The following WDR59 variants were observed in gnomAD, a reference collection of about 807,000 sequenced individuals.
The protein encoded by WDR59 is WD repeat domain 59.
WDR59 carries 100 observed loss-of-function variants against 131.2 expected under a neutral mutation model. The observed-to-expected ratio is 0.76, with a 90% CI of 0.65 to 0.90. WDR59 has a LOEUF of 0.90. WDR59 is among the 40% of genes least tolerant of loss of function. The pLI is 0.00. For synonymous variants in WDR59, 601 were observed against 466.2 expected, an observed-to-expected ratio of 1.29 and a Z score of -3.72; for missense variants, 1,203 against 1,262.2, an observed-to-expected ratio of 0.95 and a Z score of 0.71.
intron 1 of WDR59, among the ~76,000 whole-genome samples, chr16:74,968,943 A>G (rs1348797913): frequency 6.6e-6 from 1 of 152,212 alleles, no homozygotes; most frequent in African/African-American, 2.4e-5. Context: ...GAAAGGGAAC[A>G]CTGAGCAGAG....
chr16:74,921,931 G>C lies in WDR59; in HGVS notation c.886+16C>G, dbSNP rs758929576. ...GAGCTCAGAAGGAAAGTGGGCAGCA[G>C]GCCTCTCCCACTCACCTTCCTTCTG... On this transcript the variant is annotated intron_variant, in intron 10 of 25. Transcript: ENST00000262144. 5 of 1,611,914 alleles carry C rather than the reference G, an allele frequency of 3.1e-6. No individual in the cohort carries two copies. The East Asian group carries it at 1.1e-4, about 36-fold the overall frequency.
At chr16:74,944,292 G>A (rs1329345292) in intron 6 of WDR59, among the ~76,000 whole-genome samples, 1 of 151,760 alleles carries the variant, frequency 6.6e-6, no homozygotes, top group African/African-American at 2.4e-5. Context: ...ATGGCAAAAC[G>A]CTGTTTCTAC....
chr16:74,975,600 G>A (rs1009307465), intron 1 of WDR59, among the ~76,000 whole-genome samples: 3 of 148,842 alleles, frequency 2.0e-5, no homozygotes, highest in Non-Finnish European at 4.4e-5. Context: ...GGAGGTGGAG[G>A]ATGCACTGAG....
intron 3 of WDR59, among the ~76,000 whole-genome samples, chr16:74,955,454 C>T (rs780539891): frequency 2.6e-5 from 4 of 152,014 alleles, no homozygotes; most frequent in Non-Finnish European, 4.4e-5. Context: ...ATAAGGGTCC[C>T]GAGGTATAAA....
intron 2 of WDR59, among the ~76,000 whole-genome samples, chr16:74,958,362 G>A (rs2033393630): frequency 6.6e-6 from 1 of 151,724 alleles, no homozygotes. Context: ...GGCCAAGGTG[G>A]GTGGATAGCC....
intron 3 of WDR59, among the ~76,000 whole-genome samples, chr16:74,955,780 T>C (rs1374944120): frequency 6.6e-6 from 1 of 152,080 alleles, no homozygotes; most frequent in Non-Finnish European, 1.5e-5. Flanking sequence ...CTTTAAATAC[T>C]CTCCTGCCAG....
intron 7 of WDR59, among the ~76,000 whole-genome samples, chr16:74,940,366 G>A (rs1277422632): frequency 2.7e-5 from 4 of 149,272 alleles, no homozygotes; most frequent in Middle Eastern, 3.5e-3. Context: ...GCAACAGAGT[G>A]AGACTCTGTC....
At chr16:74,910,140 G>T (rs975069781) in intron 14 of WDR59, among the ~76,000 whole-genome samples, 6 of 151,820 alleles carry the variant, frequency 4.0e-5, no homozygotes, top group African/African-American at 7.3e-5. Flanking sequence ...GCTAATTTTT[G>T]TATTTTTAGT....
intron 1 of WDR59, among the ~76,000 whole-genome samples, chr16:74,973,362 T>C (rs984782628): frequency 6.6e-6 from 1 of 152,166 alleles, no homozygotes; most frequent in Non-Finnish European, 1.5e-5. Flanking sequence ...CACAGTGGCG[T>C]TGCAGCCTCA....
Position 74,956,501 on chromosome 16 carries a change from T to G in WDR59, c.214A>C (p.Ser72Arg). 6.2e-7 allele frequency: 1 copy of G among 1,614,004 alleles called. No individual in the cohort carries two copies. Among genetic ancestry groups the G allele is most frequent in the Non-Finnish European group, 8.5e-7 (1 of 1,180,000 alleles). ...IGAVQWNPHD[S>R]FAHYFAASSN... ...GAAGCCGCAAAATAGTGTGCAAAGCTGTCATGAGGATTCCACTGCACAGCT... is the reference window on the plus strand; with the variant it reads ...GAAGCCGCAAAATAGTGTGCAAAGCGGTCATGAGGATTCCACTGCACAGCT... Residue 72 changes from serine (S) to arginine (R), a missense_variant, in exon 3 of 26, where the codon AGC (serine) becomes CGC (arginine). By Grantham distance (110) the Ser-to-Arg change is moderately radical. Coordinates refer to ENST00000262144, the MANE Select transcript of WDR59 (RefSeq NM_030581.4).
intron 8 of WDR59, among the ~76,000 whole-genome samples, chr16:74,934,535 G>C (rs1022542115): frequency 6.6e-6 from 1 of 152,222 alleles, no homozygotes; most frequent in East Asian, 1.9e-4. Flanking sequence ...ATCTGATACA[G>C]GTAGTTATTA....
In WDR59 at chr16:74,873,095, A is replaced by C. The variant is rs1328433734; in HGVS notation, c.*1114T>G. The C allele has an allele frequency of 6.6e-6, 1 of 152,006 alleles. No individual in the cohort carries two copies. The highest frequency in any genetic ancestry group is 1.5e-5 in the Non-Finnish European group (1 of 68,042). 9.4% of individuals were successfully genotyped at this position (152,006 alleles called of 1,614,324 possible). On this transcript the variant is annotated 3_prime_UTR_variant, in exon 26 of 26. Coordinates refer to ENST00000262144, the MANE Select transcript of WDR59 (RefSeq NM_030581.4). ...CGGCTAATTTTTCTATTTTTAGTAGAGATGGGGTTTCACCATGTTGGCCAG... is the reference window on the plus strand; with the variant it reads ...CGGCTAATTTTTCTATTTTTAGTAGCGATGGGGTTTCACCATGTTGGCCAG...
At chr16:74,908,845 C>A (rs1356393792) in intron 17 of WDR59, 63 bp downstream of exon 17, 1 of 1,440,958 alleles carries the variant, frequency 6.9e-7, no homozygotes, top group African/African-American at 1.4e-5. Context: ...GTGGTCCTTC[C>A]CAGGTCTCTG....
intron 15 of WDR59, 58 bp downstream of exon 15, chr16:74,909,760 GGAGA>G: frequency 1.9e-6 from 3 of 1,583,610 alleles, no homozygotes; most frequent in Non-Finnish European, 2.6e-6. Flanking sequence ...ATGATTTTAG[GGAGA>G]AAGAAATGAA....
At chr16:74,979,421 G>A (rs1361487160) in intron 1 of WDR59, among the ~76,000 whole-genome samples, 4 of 151,316 alleles carry the variant, frequency 2.6e-5, no homozygotes, top group African/African-American at 4.9e-5. Context: ...AGCCAAGATC[G>A]AGCCACTGCA....
chr16:74,935,208 C>T (rs1016302712), intron 8 of WDR59, among the ~76,000 whole-genome samples: 9 of 151,354 alleles, frequency 5.9e-5, no homozygotes, highest in African/African-American at 2.2e-4. Context: ...CGAGCCTGGG[C>T]AACAGAGCAA....
At chr16:74,942,636 G>T (rs2032319796) in intron 7 of WDR59, 102 bp downstream of exon 7, 2 of 1,094,346 alleles carry the variant, frequency 1.8e-6, no homozygotes, top group Non-Finnish European at 2.8e-6. Context: ...GCTGCACAGG[G>T]TTCCCCAGAC....
Position 74,885,798 on chromosome 16 carries a change from G to A in WDR59, c.2547-3C>T, listed in dbSNP as rs1310260327. 3.1e-6 allele frequency: 5 copies of A among 1,607,956 alleles called. No individual in the cohort carries two copies. In the Admixed American group the frequency reaches 5.2e-5, roughly 17 times the overall value. ...GGGTATTGGCGGGGTCCAGGAGCCT[G>A]GATAAAGTTAAAAAGATTTCCTGTC... On this transcript the variant is annotated splice_region_variant and splice_polypyrimidine_tract_variant and intron_variant, in intron 24 of 25. Transcript: ENST00000262144.
chr16:74,911,896 A>G (rs1374540860), intron 14 of WDR59: 3 of 520,154 alleles, frequency 5.8e-6, no homozygotes, highest in East Asian at 2.9e-5. Flanking sequence ...TGCAATTCAC[A>G]TATTTACAGG....
Sources: gnomAD v4.1 joint callset for allele counts (sites outside exome capture counted in the v4.1 genomes callset) on GRCh38, gnomAD v4.1.1 for gene constraint, MANE v1.5 for transcripts, NCBI Gene and HGNC (gene_info 2026-07-23, HGNC 2026-07-21) for gene names.